Variants in RAP1GAP2 observed in about 807,000 individuals in gnomAD.
RAP1GAP2 encodes RAP1 GTPase activating protein 2.
Under a neutral mutation model 95.0 loss-of-function variants are expected in RAP1GAP2, and 27 were observed. The ratio of observed to expected loss-of-function variants is 0.28; its 90% CI spans 0.21 to 0.39. The LOEUF (loss-of-function observed/expected upper bound fraction) is 0.39, where lower values mean the gene tolerates loss of function less well. RAP1GAP2 is among the 10% of genes least tolerant of loss of function. RAP1GAP2 has a pLI of 1.00. For missense variants in RAP1GAP2, 771 were observed against 970.0 expected (o/e 0.79, Z 2.72); for synonymous variants, 373 against 380.9 (o/e 0.98, Z 0.24).
intron 3 of RAP1GAP2, among the ~76,000 whole-genome samples, chr17:2,921,864 C>T (rs1477276047): frequency 6.6e-6 from 1 of 152,204 alleles, no homozygotes; most frequent in Non-Finnish European, 1.5e-5. Context: ...GCTCTGCTCT[C>T]TTCCTCCGTC....
chr17:2,920,929 T>G (rs2042743950), intron 3 of RAP1GAP2, among the ~76,000 whole-genome samples: 1 of 152,164 alleles, frequency 6.6e-6, no homozygotes, highest in Admixed American at 6.5e-5. Flanking sequence ...AAGCCTGCTG[T>G]GTCTGGGACT....
rs554366322 is a variant in RAP1GAP2, at chr17:2,870,723, G to T, written c.81-34561G>T. Among the ~76,000 whole-genome samples the T allele has an allele frequency of 3.4e-4, 51 of 152,174 alleles. No individual in the cohort carries two copies. The highest frequency in any genetic ancestry group is 6.6e-4 in the Non-Finnish European group (45 of 68,040). ...AAGACCCTTGGTGGCAAGTGACAGA[G>T]GCCCATCTTGAATTAGCCAAACAAA... On this transcript the variant is annotated intron_variant, in intron 2 of 24. Coordinates refer to ENST00000254695, the MANE Select transcript of RAP1GAP2 (RefSeq NM_015085.5). This position sits in a 1 kb window ranked among gnomAD's most constrained non-coding sequence, Gnocchi z 4.4.
At chr17:2,822,336 G>A (rs536411452) in intron 2 of RAP1GAP2, among the ~76,000 whole-genome samples, 3 of 152,180 alleles carry the variant, frequency 2.0e-5, no homozygotes, top group Non-Finnish European at 4.4e-5. Flanking sequence ...AAAAATAGCT[G>A]TTAGGCTGGG....
chr17:2,759,477 TCTCA>T (rs2071205177), intron 1 of RAP1GAP2, among the ~76,000 whole-genome samples: 1 of 151,794 alleles, frequency 6.6e-6, no homozygotes. Flanking sequence ...TGAGACAGAG[TCTCA>T]CTCTTGTCGC....
At chr17:3,025,630 A>G (rs542132667) in intron 19 of RAP1GAP2, among the ~76,000 whole-genome samples, 2 of 152,022 alleles carry the variant, frequency 1.3e-5, no homozygotes, top group East Asian at 3.9e-4. Flanking sequence ...GTGGGGGCGG[A>G]TGTCATAGAC....
At chr17:2,977,993 G>A (rs988668235) in intron 8 of RAP1GAP2, among the ~76,000 whole-genome samples, 1 of 152,054 alleles carries the variant, frequency 6.6e-6, no homozygotes, top group Non-Finnish European at 1.5e-5. Flanking sequence ...CCTGATTGCC[G>A]TCAATGGAAA....
chr17:3,005,512 G>T lies in RAP1GAP2; in HGVS notation c.1272+72G>T. The stretch of plus-strand genomic sequence containing the variant: ...CTCAGTGCTTGAGTAGCAATGGTTG[G>T]GATGGAGCCAAATTCAGGCTGGGAA... On this transcript the variant is annotated intron_variant, in intron 15 of 24. Coordinates refer to ENST00000254695, the MANE Select transcript of RAP1GAP2 (RefSeq NM_015085.5). The surrounding 1 kb of genome is among the most constrained non-coding windows in gnomAD (Gnocchi z 5.2). 6.6e-7 allele frequency: 1 copy of T among 1,511,412 alleles called. No homozygotes were observed. The highest frequency in any genetic ancestry group is 9.2e-7 in the Non-Finnish European group (1 of 1,086,504). The allele number at this position is 1,511,412 out of a possible 1,614,324, so 93.6% of individuals were successfully genotyped here. A position where few individuals can be genotyped will look rare whatever the true frequency, so the allele number is the denominator to read the frequency against.
chr17:2,807,622 G>A (rs2151491579), intron 2 of RAP1GAP2, among the ~76,000 whole-genome samples: 1 of 152,342 alleles, frequency 6.6e-6, no homozygotes, highest in East Asian at 1.9e-4. Context: ...AGGGAGGAGA[G>A]AATGCACTCC....
At position 2,871,107 on chromosome 17, in the gene RAP1GAP2, C is replaced by T. The variant is rs552718397; in HGVS notation, c.81-34177C>T. On this transcript the variant is annotated intron_variant, in intron 2 of 24. Coordinates refer to ENST00000254695, the MANE Select transcript of RAP1GAP2 (RefSeq NM_015085.5). The surrounding 1 kb of genome is among the most constrained non-coding windows in gnomAD (Gnocchi z 5.0). ...AGTAGCTGGAATTCCAGGCATGCGCCGCCACACCTGGCTAATTTTTGTATT... is the reference window on the plus strand; with the variant it reads ...AGTAGCTGGAATTCCAGGCATGCGCTGCCACACCTGGCTAATTTTTGTATT... Among the ~76,000 whole-genome samples, 8 of 152,166 alleles carry T rather than the reference C, an allele frequency of 5.3e-5. No individual in the cohort carries two copies. The highest frequency in any genetic ancestry group is 9.7e-5 in the African/African-American group (4 of 41,430).
intron 2 of RAP1GAP2, among the ~76,000 whole-genome samples, chr17:2,898,901 C>T (rs1398584161): frequency 7.0e-6 from 1 of 142,404 alleles, no homozygotes; most frequent in Non-Finnish European, 1.5e-5. Context: ...ATAACCTGAC[C>T]ACACAGTGAA....
At chr17:2,784,555 G>C (rs1205011673) in intron 1 of RAP1GAP2, among the ~76,000 whole-genome samples, 5 of 152,232 alleles carry the variant, frequency 3.3e-5, no homozygotes, top group Non-Finnish European at 7.3e-5. Context: ...ACAGGCGTGA[G>C]CCACCGCGCC....
At chr17:2,924,819 A>G (rs2042900224) in intron 3 of RAP1GAP2, among the ~76,000 whole-genome samples, 1 of 152,170 alleles carries the variant, frequency 6.6e-6, no homozygotes, top group African/African-American at 2.4e-5. Context: ...CTGGCCCCTG[A>G]AGACATCTGG....
At chr17:2,905,662 C>A (rs142802265) in intron 3 of RAP1GAP2, among the ~76,000 whole-genome samples, 1 of 152,254 alleles carries the variant, frequency 6.6e-6, no homozygotes, top group African/African-American at 2.4e-5. Flanking sequence ...AGGAGGAAGC[C>A]GGGGGATAGA....
intron 3 of RAP1GAP2, among the ~76,000 whole-genome samples, chr17:2,908,095 A>G (rs1265823355): frequency 2.6e-5 from 4 of 152,044 alleles, no homozygotes; most frequent in Admixed American, 6.6e-5. Flanking sequence ...GTGAGCCACC[A>G]CGCCTGGCCC....
At position 3,029,502 on chromosome 17, in the gene RAP1GAP2, G is replaced by A. The variant is rs760734461; in HGVS notation, c.2108-1420G>A. Among the ~76,000 whole-genome samples the A allele has an allele frequency of 6.6e-6, 1 of 152,174 alleles. No homozygotes were observed. Among genetic ancestry groups the A allele is most frequent in the African/African-American group, 2.4e-5 (1 of 41,438 alleles). ...TTGGCTGAGTCTGGGGAGAGGCAGG[G>A]TGGAGTGGGGAGAGGTGGCCTGACG... On this transcript the variant is annotated intron_variant, in intron 22 of 24. Coordinates refer to ENST00000254695, the MANE Select transcript of RAP1GAP2 (RefSeq NM_015085.5). The surrounding 1 kb of genome is among the most constrained non-coding windows in gnomAD (Gnocchi z 4.4).
chr17:3,016,725 C>G (rs979045484), intron 17 of RAP1GAP2, among the ~76,000 whole-genome samples: 9 of 142,562 alleles, frequency 6.3e-5, no homozygotes, highest in African/African-American at 2.2e-4. Context: ...TTACGATGTG[C>G]TGGGCTGTCT....
At chr17:2,800,458 C>A in intron 1 of RAP1GAP2, 57 bp from the exon 2 acceptor site, 1 of 1,568,702 alleles carries the variant, frequency 6.4e-7, no homozygotes, top group Non-Finnish European at 8.7e-7. Flanking sequence ...CATACAGATG[C>A]TATGTAGGAG....
intron 17 of RAP1GAP2, among the ~76,000 whole-genome samples, chr17:3,009,708 G>A (rs1462488058): frequency 6.6e-6 from 1 of 152,192 alleles, no homozygotes; most frequent in African/African-American, 2.4e-5. Flanking sequence ...TGAGCTGCTT[G>A]TCCAGGCTGG....
chr17:2,981,814 G>A (rs1176693057), intron 10 of RAP1GAP2, among the ~76,000 whole-genome samples: 1 of 152,218 alleles, frequency 6.6e-6, no homozygotes, highest in African/African-American at 2.4e-5. Context: ...GGGAAGAAGA[G>A]CAATAATAAT....
Sources: allele counts gnomAD v4.1 joint callset (sites outside exome capture counted in the v4.1 genomes callset), GRCh38; gene constraint gnomAD v4.1.1; non-coding constraint Gnocchi (gnomAD v3.1); transcripts MANE v1.5; gene names NCBI Gene and HGNC (gene_info 2026-07-23, HGNC 2026-07-21).